The following FCGR2A variants were observed in gnomAD, a reference collection of about 807,000 sequenced individuals.
The protein encoded by FCGR2A is Fc gamma receptor IIa, also known as low affinity immunoglobulin gamma Fc region receptor II-a.
FCGR2A carries 18 observed loss-of-function variants against 29.3 expected under a neutral mutation model. The observed-to-expected ratio is 0.62, with a 90% CI of 0.43 to 0.91. The LOEUF (loss-of-function observed/expected upper bound fraction) is 0.91, where lower values mean the gene tolerates loss of function less well. Among genes scored for constraint, FCGR2A ranks in the 40% least tolerant of loss-of-function variants. The pLI is 0.00. For synonymous variants in FCGR2A, 126 were observed against 144.8 expected, an observed-to-expected ratio of 0.87 and a Z score of 0.93; for missense variants, 287 against 393.0, an observed-to-expected ratio of 0.73 and a Z score of 2.28.
chr1:161,505,640 G>A, intron 1 of FCGR2A, 88 bp downstream of exon 1: 1 of 1,071,782 alleles, frequency 9.3e-7, no homozygotes, highest in Non-Finnish European at 1.5e-6. Flanking sequence ...AGCAGGCCTG[G>A]GCCCTGGAAG....
rs571568091 is a variant in FCGR2A at position 161,510,069 on chromosome 1, T to C, written c.614T>C (p.Val205Ala). 48 of 1,613,798 alleles carry C rather than the reference T, an allele frequency of 3.0e-5. No homozygotes were observed. The African/African-American group carries it at 6.3e-4, about 21-fold the overall frequency. The change falls in exon 4 of 7, where the codon GTC becomes GCC. Residue 205 changes from valine to alanine, a missense_variant. Transcript: ENST00000271450. ...TCATCCAAGCCTGTGACCATCACTG[T>C]CCAAGGTATGGGGAGTCTGCCAAGA... The part of the protein sequence containing the change: ...LFSSKPVTIT[V>A]QVPSMGSSSP...
At chr1:161,505,749 A>G in intron 1 of FCGR2A, 197 bp downstream of exon 1, 1 of 708,902 alleles carries the variant, frequency 1.4e-6, no homozygotes, top group Non-Finnish European at 2.5e-6. Context: ...GTCCCTGGAA[A>G]GTCCATTCTG....
At chr1:161,514,826 ACTAGGTGTT>A (rs1254164146) in intron 6 of FCGR2A, 1 of 151,254 alleles carries the variant, frequency 6.6e-6, no homozygotes, top group African/African-American at 2.4e-5. Context: ...GACAGATTGA[ACTAGGTGTT>A]CAACAGAAAC....
chr1:161,505,567 T>C lies in FCGR2A; in HGVS notation c.85+15T>C. 1 of 1,608,232 alleles carries C rather than the reference T, an allele frequency of 6.2e-7. No individual in the cohort carries two copies. The highest frequency in any genetic ancestry group is 8.5e-7 in the Non-Finnish European group (1 of 1,174,650). On this transcript the variant is annotated intron_variant, in intron 1 of 6. Transcript: ENST00000271450. ...GCTGCTGCTGGGTGAGTGAGGGTCA[T>C]TCTGAAATGGGGCAATTTCAGACAC...
rs1191897335 is a variant in FCGR2A, at chr1:161,519,595, A to G, written c.*1447A>G. The G allele has an allele frequency of 6.6e-6, 1 of 152,030 alleles. No individual in the cohort carries two copies. Among genetic ancestry groups the G allele is most frequent in the Non-Finnish European group, 1.5e-5 (1 of 67,982 alleles). 9.4% of individuals were successfully genotyped at this position (152,030 alleles called of 1,614,324 possible). A position where few individuals can be genotyped will look rare whatever the true frequency, so the allele number is the denominator to read the frequency against. ...ATTCTGTTTACCTTTTCAGGGCTGT[A>G]TTGATTGGGGTGTAGACTGAACTAT... On this transcript the variant is annotated 3_prime_UTR_variant, in exon 7 of 7. Transcript: ENST00000271450.
In FCGR2A at chr1:161,517,333, C is replaced by G. The variant is rs187850835; in HGVS notation, c.781-642C>G. 7.9e-5 allele frequency among the ~76,000 whole-genome samples: 12 copies of G among 152,084 alleles called. No homozygotes were observed. In the East Asian group the frequency reaches 2.3e-3, roughly 29 times the overall value. ...GATCTCAGCTGGCTTTATGGTGATT[C>G]TAGAACTGGGCAACACTTGCCTCCT... On this transcript the variant is annotated intron_variant, in intron 6 of 6. Coordinates refer to ENST00000271450, the MANE Select transcript of FCGR2A (RefSeq NM_001136219.3).
intron 3 of FCGR2A, among the ~76,000 whole-genome samples, chr1:161,508,112 A>T (rs1675535439): frequency 7.1e-6 from 1 of 141,840 alleles, no homozygotes; most frequent in African/African-American, 2.7e-5. Flanking sequence ...AAAAAAAAAA[A>T]TTGAGATCTG....
chr1:161,510,905 A>C lies in FCGR2A; in HGVS notation c.691A>C (p.Ile231Leu), dbSNP rs761538495. 6 of 1,614,166 alleles carry C rather than the reference A, an allele frequency of 3.7e-6. No homozygotes were observed. The South Asian group carries it at 5.5e-5, about 15-fold the overall frequency. The change falls in exon 5 of 7, where the codon ATT becomes CTT. Residue 231 changes from isoleucine to leucine, a missense_variant. By Grantham distance (5) the Ile-to-Leu change is conservative. This residue lies in a region of FCGR2A where 72 missense variants were observed against 68.6 expected (regional missense o/e 1.05). Coordinates refer to ENST00000271450, the MANE Select transcript of FCGR2A (RefSeq NM_001136219.3). ...AVVIATAVAA[I>L]VAAVVALIYC... ...GGTCATTGCGACTGCTGTAGCAGCC[A>C]TTGTTGCTGCTGTAGTGGCCTTGAT...
rs111242375 is a variant in FCGR2A, at chr1:161,509,914, G to A, written c.459G>A (p.Lys153=). 116 of 1,614,154 alleles carry A rather than the reference G, an allele frequency of 7.2e-5. 5 individuals are homozygous for A. The African/African-American group carries it at 8.4e-4, about 12-fold the overall frequency. Reference sequence around the variant, plus strand: ...GCTGGAAGGACAAGCCTCTGGTCAAGGTCACATTCTTCCAGAATGGAAAAT... The same window carrying A: ...GCTGGAAGGACAAGCCTCTGGTCAAAGTCACATTCTTCCAGAATGGAAAAT... ...CHSWKDKPLV[K]VTFFQNGKSQ... The change falls in exon 4 of 7, where the codon AAG becomes AAA. Residue 153 remains lysine (K), a synonymous_variant. Coordinates refer to ENST00000271450, the MANE Select transcript of FCGR2A (RefSeq NM_001136219.3).
In FCGR2A at chr1:161,518,790, A is replaced by G. The variant is rs12752199; in HGVS notation, c.*642A>G. On this transcript the variant is annotated 3_prime_UTR_variant, in exon 7 of 7. Coordinates refer to ENST00000271450, the MANE Select transcript of FCGR2A (RefSeq NM_001136219.3). ...TACCCAGCTAATTTTTGTATTTTTT[A>G]TTTTTTTTTTTTAGTAGAGACAGGG... 1 of 148,784 alleles carries G rather than the reference A, an allele frequency of 6.7e-6. No individual in the cohort carries two copies. Among genetic ancestry groups the G allele is most frequent in the African/African-American group, 2.5e-5 (1 of 39,786 alleles). 9.2% of individuals were successfully genotyped at this position (148,784 alleles called of 1,614,324 possible).
downstream of FCGR2A, among the ~76,000 whole-genome samples, chr1:161,522,199 AAAAAT>A (rs369470365): frequency 3.2e-4 from 49 of 152,186 alleles, no homozygotes; most frequent in East Asian, 7.7e-3. Flanking sequence ...GGAACCAGAA[AAAAAT>A]AAAATAAAAA....
In FCGR2A at chr1:161,509,881, G is replaced by T. The variant is rs956387905; in HGVS notation, c.426G>T (p.Arg142Ser). Residue 142 changes from arginine (R) to serine (S), a missense_variant, in exon 4 of 7, where the codon AGG becomes AGT. Coordinates refer to ENST00000271450, the MANE Select transcript of FCGR2A (RefSeq NM_001136219.3). ...AGGAGGGAGAAACCATCATGCTGAG[G>T]TGCCACAGCTGGAAGGACAAGCCTC... ...EFQEGETIMLRCHSWKDKPLV... is the reference protein window; with the variant it reads ...EFQEGETIMLSCHSWKDKPLV... 6.2e-7 allele frequency: 1 copy of T among 1,614,198 alleles called. No homozygotes were observed. The highest frequency in any genetic ancestry group is 2.2e-5 in the East Asian group (1 of 44,882).
intron 6 of FCGR2A, among the ~76,000 whole-genome samples, chr1:161,517,753 T>C (rs2085697): frequency 2.7e-3 from 338 of 124,184 alleles, no homozygotes; most frequent in Middle Eastern, 7.9e-3. Flanking sequence ...TGCAAAACAA[T>C]AGCCTCCTAA....
Position 161,519,025 on chromosome 1 carries a change from C to G in FCGR2A, c.*877C>G, listed in dbSNP as rs1267251409. 1 of 250,084 alleles carries G rather than the reference C, an allele frequency of 4.0e-6. No homozygotes were observed. Among genetic ancestry groups the G allele is most frequent in the Non-Finnish European group, 8.2e-6 (1 of 121,444 alleles). The allele number at this position is 250,084 out of a possible 1,614,324, so 15.5% of individuals were successfully genotyped here. A position where few individuals can be genotyped will look rare whatever the true frequency, so the allele number is the denominator to read the frequency against. ...ATCACCTATTCACTGCTTATGCAGT[C>G]GGAAGCTCCAGAAGAACAAAGAGCC... On this transcript the variant is annotated 3_prime_UTR_variant, in exon 7 of 7. Coordinates refer to ENST00000271450, the MANE Select transcript of FCGR2A (RefSeq NM_001136219.3).
chr1:161,510,267 C>T, intron 4 of FCGR2A, 193 bp downstream of exon 4: 2 of 978,090 alleles, frequency 2.0e-6, no homozygotes, highest in Non-Finnish European at 3.0e-6. Context: ...CCCTCACGTC[C>T]CAGGTAATAG....
In FCGR2A at chr1:161,506,608, C is replaced by T. The variant is rs753880595; in HGVS notation, c.364+17C>T. On this transcript the variant is annotated intron_variant, in intron 3 of 6. Coordinates refer to ENST00000271450, the MANE Select transcript of FCGR2A (RefSeq NM_001136219.3). ...TGCTTTCCGGTCAGTGGAGGAAGGC[C>T]CCAGGGTGGACCTGGGAGGGCCAGG... is the stretch of plus-strand genomic sequence containing the variant. 2 of 1,613,706 alleles carry T rather than the reference C, an allele frequency of 1.2e-6. No homozygotes were observed. Among genetic ancestry groups the T allele is most frequent in the Non-Finnish European group, 1.7e-6 (2 of 1,179,652 alleles).
At chr1:161,522,158 A>AGTGAGCTG (rs1676478521), downstream of FCGR2A, among the ~76,000 whole-genome samples, 1 of 152,102 alleles carries the variant, frequency 6.6e-6, no homozygotes, top group African/African-American at 2.4e-5. Flanking sequence ...CTGTGATTGC[A>AGTGAGCTG]TCACTGTACT....
At chr1:161,508,334 A>G (rs1373772223) in intron 3 of FCGR2A, among the ~76,000 whole-genome samples, 3 of 151,848 alleles carry the variant, frequency 2.0e-5, no homozygotes, top group African/African-American at 7.3e-5. Flanking sequence ...CATGCCTGTA[A>G]TCCCAGCACT....
intron 3 of FCGR2A, among the ~76,000 whole-genome samples, chr1:161,509,152 G>A (rs1675604913): frequency 6.6e-6 from 1 of 152,224 alleles, no homozygotes; most frequent in Non-Finnish European, 1.5e-5. Context: ...ACAGTAAGAA[G>A]CCTCAGTTCT....
Sources: allele counts gnomAD v4.1 joint callset (sites outside exome capture counted in the v4.1 genomes callset), GRCh38; gene constraint gnomAD v4.1.1; regional missense constraint gnomAD v4.1.1; transcripts MANE v1.5; gene names NCBI Gene and HGNC (gene_info 2026-07-23, HGNC 2026-07-21).